The following BHLHE40 variants were observed in gnomAD, a reference collection of about 807,000 sequenced individuals.
The protein encoded by BHLHE40 is class E basic helix-loop-helix protein 40.
BHLHE40 carries 3 observed loss-of-function variants against 35.7 expected under a neutral mutation model. The observed-to-expected ratio is 0.08, with a 90% confidence interval of 0.04 to 0.22. The LOEUF is 0.22. Ranked by LOEUF, BHLHE40 falls within the 10% of genes least tolerant of loss-of-function variation. BHLHE40 has a pLI of 1.00. For synonymous variants in BHLHE40, 236 were observed against 213.0 expected (o/e 1.11, Z -0.94); for missense variants, 486 against 524.0 (o/e 0.93, Z 0.71).
At position 4,983,236 on chromosome 3, in the gene BHLHE40, C is replaced by T. The variant is rs751825839; in HGVS notation, c.783C>T (p.Phe261=). The change falls in exon 5 of 5, where the codon TTC becomes TTT. Residue 261 remains phenylalanine (F), a synonymous_variant. Transcript: ENST00000256495. The surrounding 1 kb of genome is among the most constrained non-coding windows in gnomAD (Gnocchi z 5.0). ...ACTTGCGCAGTGAGCAGCCGTGCTT[C>T]AAAAGTGACCACGGACGCAGGTTCA... ...KGDLRSEQPC[F]KSDHGRRFTM... 11 of 1,614,084 alleles carry T rather than the reference C, an allele frequency of 6.8e-6. No individual in the cohort carries two copies. Among genetic ancestry groups the T allele is most frequent in the Non-Finnish European group, 6.8e-6 (8 of 1,180,048 alleles).
chr3:4,980,638 C>A (rs56354795), intron 3 of BHLHE40, among the ~76,000 whole-genome samples: 2,966 of 152,314 alleles, frequency 0.019, 49 homozygotes, highest in Non-Finnish European at 0.029. Flanking sequence ...CACCAACTGG[C>A]CTTCCTTTTC....
Position 4,985,028 on chromosome 3 carries a change from G to T in BHLHE40, c.*1336G>T, listed in dbSNP as rs2053234825. 2 of 152,360 alleles carry T rather than the reference G, an allele frequency of 1.3e-5. No individual in the cohort carries two copies. Among genetic ancestry groups the T allele is most frequent in the African/African-American group, 2.4e-5 (1 of 41,374 alleles). The allele number at this position is 152,360 out of a possible 1,614,324, so 9.4% of individuals were successfully genotyped here. On this transcript the variant is annotated 3_prime_UTR_variant, in exon 5 of 5. Coordinates refer to ENST00000256495, the MANE Select transcript of BHLHE40 (RefSeq NM_003670.3). ...AATGTATTCCTGTTTTTGAAGAGAA[G>T]AATAATTTTTTTTTTCTCTAGGGAG...
At chr3:4,979,856 C>G in intron 1 of BHLHE40, 58 bp downstream of exon 1, 1 of 1,599,516 alleles carries the variant, frequency 6.3e-7, no homozygotes, top group Non-Finnish European at 8.5e-7. Context: ...TTATGCGCCA[C>G]TCTCAACTTG....
rs906318235 is a variant in BHLHE40 at position 4,979,730 on chromosome 3, C to A, written c.12C>A (p.Ile4=). The change falls in exon 1 of 5, where the codon ATC becomes ATA. Residue 4 remains isoleucine (I), a synonymous_variant. Coordinates refer to ENST00000256495, the MANE Select transcript of BHLHE40 (RefSeq NM_003670.3). MER[I]PSAQPPPACL... ...CGGCTCGCCGCGCCATGGAGCGGATCCCCAGCGCGCAACCACCCCCCGCCT... is the reference window on the plus strand; with the variant it reads ...CGGCTCGCCGCGCCATGGAGCGGATACCCAGCGCGCAACCACCCCCCGCCT... 1.9e-6 allele frequency: 3 copies of A among 1,565,432 alleles called. No homozygotes were observed. The highest frequency in any genetic ancestry group is 1.7e-4 in the Middle Eastern group (1 of 5,892).
In BHLHE40 at chr3:4,983,248, C is replaced by G. The variant is rs756635237; in HGVS notation, c.795C>G (p.His265Gln). 1.9e-6 allele frequency: 3 copies of G among 1,614,178 alleles called. No individual in the cohort carries two copies. The highest frequency in any genetic ancestry group is 2.5e-6 in the Non-Finnish European group (3 of 1,180,030). Reference protein sequence around the residue: ...RSEQPCFKSDHGRRFTMGERI... With the variant: ...RSEQPCFKSDQGRRFTMGERI... ...AGCAGCCGTGCTTCAAAAGTGACCA[C>G]GGACGCAGGTTCACGATGGGAGAAA... The change falls in exon 5 of 5, where the codon CAC (histidine) becomes CAG (glutamine). Residue 265 changes from histidine (H) to glutamine (Q), a missense_variant. By Grantham distance (24) the His-to-Gln change is conservative. Around this residue, in one of 5 missense-constraint regions of BHLHE40, gnomAD observed 206 missense variants for 208.9 expected, o/e 0.99. Transcript: ENST00000256495. This position sits in a 1 kb window ranked among gnomAD's most constrained non-coding sequence, Gnocchi z 5.0.
intron 3 of BHLHE40, among the ~76,000 whole-genome samples, 195 bp from the exon 4 acceptor site, chr3:4,981,185 TACACACACACAC>T (rs10549138): frequency 0.26 from 37,974 of 143,668 alleles, 5,784 homozygotes; most frequent in East Asian, 0.4. Flanking sequence ...TATATATATA[TACACACACACAC>T]ACACACACAC....
At chr3:4,979,901 G>C in intron 1 of BHLHE40, 61 bp from the exon 2 acceptor site, 2 of 1,610,504 alleles carry the variant, frequency 1.2e-6, no homozygotes, top group Non-Finnish European at 1.7e-6. Context: ...GTTCTTGCCC[G>C]GCAGAACGCC....
intron 3 of BHLHE40, among the ~76,000 whole-genome samples, chr3:4,981,008 C>G (rs2053189601): frequency 6.6e-6 from 1 of 151,844 alleles, no homozygotes; most frequent in African/African-American, 2.4e-5. Context: ...TGAGTTGACA[C>G]CACTGCAGGA....
chr3:4,983,392 C>T lies in BHLHE40; in HGVS notation c.939C>T (p.Gly313=). 1 of 1,614,186 alleles carries T rather than the reference C, an allele frequency of 6.2e-7. No homozygotes were observed. Among genetic ancestry groups the T allele is most frequent in the Non-Finnish European group, 8.5e-7 (1 of 1,180,042 alleles). Reference sequence around the variant, plus strand: ...ACCTGATCAGCTCCCCGTTCCTGGGCCCACACCCACACCAGCCTCCTTTCT... The same window carrying T: ...ACCTGATCAGCTCCCCGTTCCTGGGTCCACACCCACACCAGCCTCCTTTCT... ...SSDLISSPFL[G]PHPHQPPFCL... is the part of the protein sequence containing the mutation. The change falls in exon 5 of 5, where the codon GGC becomes GGT. Residue 313 remains glycine, a synonymous_variant. Transcript: ENST00000256495. The surrounding 1 kb of genome is among the most constrained non-coding windows in gnomAD (Gnocchi z 5.0).
rs190126615 is a variant in BHLHE40, at chr3:4,980,754, C to G, written c.258+346C>G. Among the ~76,000 whole-genome samples the G allele has an allele frequency of 2.9e-4, 44 of 152,180 alleles. No individual in the cohort carries two copies. The East Asian group carries it at 5.4e-3, about 19-fold the overall frequency. On this transcript the variant is annotated intron_variant, in intron 3 of 4. Transcript: ENST00000256495. ...ATTTACCCCTTCCCCTCTACCACTC[C>G]CCCCACCTTTTTTGTTGTTGTTGTC...
chr3:4,983,044 A>G lies in BHLHE40; in HGVS notation c.591A>G (p.Lys197=), dbSNP rs1439678543. ...GGAAGCCATCAGACCCAGCTCCCAA[A>G]GTGATGGACTTCAAGGAAAAACCCA... ...TSRKPSDPAP[K]VMDFKEKPSS... is the part of the protein sequence containing the mutation. Residue 197 remains lysine, a synonymous_variant, in exon 5 of 5, where the codon AAA becomes AAG. Transcript: ENST00000256495. This position sits in a 1 kb window ranked among gnomAD's most constrained non-coding sequence, Gnocchi z 5.0. The G allele has an allele frequency of 1.2e-6, 2 of 1,614,138 alleles. No individual in the cohort carries two copies. The highest frequency in any genetic ancestry group is 1.1e-5 in the South Asian group (1 of 91,080).
Position 4,985,015 on chromosome 3 carries a change from T to G in BHLHE40, c.*1323T>G, listed in dbSNP as rs1367635451. On this transcript the variant is annotated 3_prime_UTR_variant, in exon 5 of 5. Coordinates refer to ENST00000256495, the MANE Select transcript of BHLHE40 (RefSeq NM_003670.3). Reference sequence around the variant, plus strand: ...GTGAGAAAAAATGAATGTATTCCTGTTTTTGAAGAGAAGAATAATTTTTTT... The same window carrying G: ...GTGAGAAAAAATGAATGTATTCCTGGTTTTGAAGAGAAGAATAATTTTTTT... 6.6e-6 allele frequency: 1 copy of G among 152,528 alleles called. No individual in the cohort carries two copies. Among genetic ancestry groups the G allele is most frequent in the Non-Finnish European group, 1.5e-5 (1 of 68,034 alleles). 9.4% of individuals were successfully genotyped at this position (152,528 alleles called of 1,614,324 possible).
At chr3:4,980,991 C>T (rs967242055) in intron 3 of BHLHE40, among the ~76,000 whole-genome samples, 2 of 151,526 alleles carry the variant, frequency 1.3e-5, no homozygotes, top group Non-Finnish European at 2.9e-5. Flanking sequence ...TAATAGAGGT[C>T]CCTCTCTGAG....
At position 4,983,863 on chromosome 3, in the gene BHLHE40, T is replaced by C. The variant is rs1190576843; in HGVS notation, c.*171T>C. The C allele has an allele frequency of 3.3e-6, 3 of 897,234 alleles. No individual in the cohort carries two copies. Among genetic ancestry groups the C allele is most frequent in the Non-Finnish European group, 3.3e-6 (2 of 605,950 alleles). 55.6% of individuals were successfully genotyped at this position (897,234 alleles called of 1,614,324 possible). Reference sequence around the variant, plus strand: ...GTGTGTGTGTGTGTGTGTATGTGCGTGTGCGTGCACATGTGTGCCTGCGTG... The same window carrying C: ...GTGTGTGTGTGTGTGTGTATGTGCGCGTGCGTGCACATGTGTGCCTGCGTG... On this transcript the variant is annotated 3_prime_UTR_variant, in exon 5 of 5. Coordinates refer to ENST00000256495, the MANE Select transcript of BHLHE40 (RefSeq NM_003670.3). The surrounding 1 kb of genome is among the most constrained non-coding windows in gnomAD (Gnocchi z 5.0).
In BHLHE40 at chr3:4,984,336, T is replaced by C. The variant is rs781518884; in HGVS notation, c.*644T>C. 6.6e-6 allele frequency: 1 copy of C among 152,238 alleles called. No individual in the cohort carries two copies. The highest frequency in any genetic ancestry group is 2.4e-5 in the African/African-American group (1 of 41,404). The allele number at this position is 152,238 out of a possible 1,614,324, so 9.4% of individuals were successfully genotyped here. On this transcript the variant is annotated 3_prime_UTR_variant, in exon 5 of 5. Coordinates refer to ENST00000256495, the MANE Select transcript of BHLHE40 (RefSeq NM_003670.3). ...CCCTGCCTCGGAAGAATAAAGAGAA[T>C]GTAGTTCCCTACTCAGGCTTTCGTA... is the stretch of plus-strand genomic sequence containing the variant.
In BHLHE40 at chr3:4,979,526, C is replaced by T. The variant is rs957675265; in HGVS notation, c.-193C>T. ...GAGTCGGAGCCAGAGGCCGCGGGGACACCGGGCCATGCACGCCCCCAACTG... is the reference window on the plus strand; with the variant it reads ...GAGTCGGAGCCAGAGGCCGCGGGGATACCGGGCCATGCACGCCCCCAACTG... On this transcript the variant is annotated 5_prime_UTR_variant, in exon 1 of 5. Coordinates refer to ENST00000256495, the MANE Select transcript of BHLHE40 (RefSeq NM_003670.3). The T allele has an allele frequency of 1.6e-6, 1 of 627,282 alleles. No individual in the cohort carries two copies. Among genetic ancestry groups the T allele is most frequent in the Admixed American group, 3.0e-5 (1 of 33,826 alleles). The allele number at this position is 627,282 out of a possible 1,614,324, so 38.9% of individuals were successfully genotyped here. A position where few individuals can be genotyped will look rare whatever the true frequency, so the allele number is the denominator to read the frequency against.
At chr3:4,982,659 T>C (rs1259259824) in intron 4 of BHLHE40, among the ~76,000 whole-genome samples, 177 bp from the exon 5 acceptor site, 1 of 152,240 alleles carries the variant, frequency 6.6e-6, no homozygotes, top group Non-Finnish European at 1.5e-5. Flanking sequence ...ATTTTAATTA[T>C]TTATACTTTT....
chr3:4,980,133 T>A lies in BHLHE40; in HGVS notation c.150+102T>A, dbSNP rs187410913. On this transcript the variant is annotated intron_variant, in intron 2 of 4. Transcript: ENST00000256495. ...TTGAGGTTGGCGAGGGGATGCAGGG[T>A]GTGGGCTCGGTGCCTCTTCTGAGTG... is the stretch of plus-strand genomic sequence containing the variant. The A allele has an allele frequency of 1.0e-3, 1,348 of 1,319,526 alleles. 9 individuals are homozygous for A. The highest frequency in any genetic ancestry group is 2.2e-4 in the Non-Finnish European group (203 of 918,856). 81.7% of individuals were successfully genotyped at this position (1,319,526 alleles called of 1,614,324 possible). A position where few individuals can be genotyped will look rare whatever the true frequency, so the allele number is the denominator to read the frequency against.
chr3:4,979,673 C>T lies in BHLHE40; in HGVS notation c.-46C>T. On this transcript the variant is annotated 5_prime_UTR_variant, in exon 1 of 5. Transcript: ENST00000256495. ...CCAGGGCAGTCCTCATCCAGACGCTCCGCTAGTGCAGACAGGAGCGCGCAG... is the reference window on the plus strand; with the variant it reads ...CCAGGGCAGTCCTCATCCAGACGCTTCGCTAGTGCAGACAGGAGCGCGCAG... The T allele has an allele frequency of 1.3e-6, 2 of 1,546,654 alleles. No individual in the cohort carries two copies. Among genetic ancestry groups the T allele is most frequent in the Non-Finnish European group, 1.7e-6 (2 of 1,144,360 alleles).
Sources: allele counts gnomAD v4.1 joint callset (sites outside exome capture counted in the v4.1 genomes callset), GRCh38; gene constraint gnomAD v4.1.1; regional missense constraint gnomAD v4.1.1; non-coding constraint Gnocchi (gnomAD v3.1); transcripts MANE v1.5; gene names NCBI Gene and HGNC (gene_info 2026-07-23, HGNC 2026-07-21).